CSMD1: variants seen among roughly 807,000 people sequenced by gnomAD.
CSMD1 encodes the protein CUB and sushi domain-containing protein 1.
CSMD1 carries 213 observed loss-of-function variants against 417.5 expected under a neutral mutation model. The observed-to-expected ratio is 0.51, with a 90% CI of 0.46 to 0.57. CSMD1 has a LOEUF of 0.57. Ranked by LOEUF, CSMD1 falls within the 20% of genes least tolerant of loss-of-function variation. CSMD1 has a pLI of 0.00. For synonymous variants in CSMD1, 2,862 were observed against 1,736.8 expected, an observed-to-expected ratio of 1.65 and a Z score of -16.11; for missense variants, 6,923 against 4,529.7, an observed-to-expected ratio of 1.53 and a Z score of -15.17.
At chr8:4,274,207 T>G (rs912878327) in intron 3 of CSMD1, among the ~76,000 whole-genome samples, 1 of 152,104 alleles carries the variant, frequency 6.6e-6, no homozygotes, top group East Asian at 1.9e-4. Context: ...GAGAAGAAAA[T>G]AGTTTATAAA....
At chr8:2,973,051 G>T in intron 57 of CSMD1, 66 bp downstream of exon 57, 1 of 1,485,342 alleles carries the variant, frequency 6.7e-7, no homozygotes, top group East Asian at 2.3e-5. Context: ...AATTTTGCCA[G>T]GCATTTTAGA....
In CSMD1 at chr8:3,997,986, G is replaced by A. The variant is rs71521901; in HGVS notation, c.735C>T (p.Thr245=). The change falls in exon 5 of 70, where the codon ACC becomes ACT. Residue 245 remains threonine (T), a synonymous_variant. Transcript: ENST00000635120. The stretch of plus-strand genomic sequence containing the variant: ...GAAAGTCAGTGAAGACCAGCGCAAT[G>A]GTGTCCCCGGGCTCAGCCAGAATGG... ...TWTILAEPGD[T]IALVFTDFQL... 1.2e-6 allele frequency: 2 copies of A among 1,610,522 alleles called. No individual in the cohort carries two copies. The highest frequency in any genetic ancestry group is 1.7e-6 in the Non-Finnish European group (2 of 1,178,264).
chr8:4,259,122 T>G (rs1437702291), intron 3 of CSMD1, among the ~76,000 whole-genome samples: 1 of 152,172 alleles, frequency 6.6e-6, no homozygotes, highest in Admixed American at 6.5e-5. Flanking sequence ...ACTTTAAATA[T>G]CAGAGCTAAT....
At chr8:3,202,428 G>C (rs1485248863) in intron 31 of CSMD1, among the ~76,000 whole-genome samples, 1 of 152,146 alleles carries the variant, frequency 6.6e-6, no homozygotes, top group Non-Finnish European at 1.5e-5. Context: ...GTATCCTACA[G>C]GTTATGAAAG....
chr8:4,241,523 G>C (rs1487028726), intron 3 of CSMD1, among the ~76,000 whole-genome samples: 1 of 152,040 alleles, frequency 6.6e-6, no homozygotes, highest in African/African-American at 2.4e-5. Flanking sequence ...AGGAGGGCAG[G>C]GTCTCTAGTG....
intron 5 of CSMD1, among the ~76,000 whole-genome samples, chr8:3,818,545 C>T (rs1357023738): frequency 2.0e-5 from 3 of 152,074 alleles, no homozygotes. Context: ...CCCAAGAAGA[C>T]AGGAGACTAG....
chr8:3,428,514 A>G (rs1405678588), intron 12 of CSMD1, among the ~76,000 whole-genome samples: 7 of 152,226 alleles, frequency 4.6e-5, no homozygotes, highest in Non-Finnish European at 8.8e-5. Context: ...GATGGGGAAA[A>G]AAAAGACTTT....
Position 2,997,751 on chromosome 8 carries a change from TA to T in CSMD1, c.8377+259del, listed in dbSNP as rs1304077656. On this transcript the variant is annotated intron_variant, in intron 54 of 69. Coordinates refer to ENST00000635120, the MANE Select transcript of CSMD1 (RefSeq NM_033225.6). ...AGAAATAAATGTGTAAATACATGAA[TA>T]AAAAGAGAAATAGAAGATGAGTTAT... 6.6e-5 allele frequency among the ~76,000 whole-genome samples: 10 copies of T among 152,206 alleles called. No individual in the cohort carries two copies. In the East Asian group the frequency reaches 1.9e-3, roughly 29 times the overall value.
At position 3,307,760 on chromosome 8, in the gene CSMD1, T is replaced by C; in HGVS notation, c.3885A>G (p.Pro1295=). 6.2e-7 allele frequency: 1 copy of C among 1,613,786 alleles called. No homozygotes were observed. The highest frequency in any genetic ancestry group is 1.3e-5 in the African/African-American group (1 of 75,038). The change falls in exon 25 of 70, where the codon CCA becomes CCG. Residue 1295 remains proline, a synonymous_variant. Transcript: ENST00000635120. ...AGTGGAGGTTGTTGTCATACGGAGC[T>C]GGATAGCCAGGGGACAATATTCGTC... ...TSGRILSPGY[P]APYDNNLHCT...
chr8:4,040,294 G>C (rs1455072885), intron 3 of CSMD1, among the ~76,000 whole-genome samples: 4 of 152,176 alleles, frequency 2.6e-5, no homozygotes, highest in Non-Finnish European at 4.4e-5. Flanking sequence ...CTATGTGCTA[G>C]ACACTGTTCC....
chr8:4,353,484 A>G (rs977517481), intron 3 of CSMD1, among the ~76,000 whole-genome samples: 7 of 152,092 alleles, frequency 4.6e-5, no homozygotes, highest in Admixed American at 2.0e-4. Flanking sequence ...ACATTCTTTA[A>G]TTAAAATTGG....
chr8:3,936,448 T>G (rs562881126), intron 5 of CSMD1, among the ~76,000 whole-genome samples: 1 of 152,302 alleles, frequency 6.6e-6, no homozygotes, highest in South Asian at 2.1e-4. Flanking sequence ...TAGGGGCTAA[T>G]GCAACTCAGG....
At chr8:3,238,984 C>A (rs1489244389) in intron 26 of CSMD1, among the ~76,000 whole-genome samples, 1 of 152,096 alleles carries the variant, frequency 6.6e-6, no homozygotes, top group Non-Finnish European at 1.5e-5. Flanking sequence ...TTTTTTGGGG[C>A]ACAGTCAAAG....
chr8:4,355,987 T>C (rs1399125676), intron 3 of CSMD1, among the ~76,000 whole-genome samples: 2 of 152,170 alleles, frequency 1.3e-5, no homozygotes, highest in Non-Finnish European at 1.5e-5. Context: ...TTTTTCATGA[T>C]ATTGGGGTAC....
chr8:3,081,210 C>T (rs965785068), intron 49 of CSMD1, among the ~76,000 whole-genome samples: 1 of 152,070 alleles, frequency 6.6e-6, no homozygotes, highest in Non-Finnish European at 1.5e-5. Flanking sequence ...CTAAAAGGTA[C>T]CTGTTGCATT....
At chr8:4,451,649 A>G (rs570368133) in intron 2 of CSMD1, among the ~76,000 whole-genome samples, 1 of 152,320 alleles carries the variant, frequency 6.6e-6, no homozygotes, top group South Asian at 2.1e-4. Flanking sequence ...ATGTTAGGAT[A>G]CATTCCTTAG....
chr8:3,494,861 A>C (rs1796302123), intron 10 of CSMD1, among the ~76,000 whole-genome samples: 1 of 152,174 alleles, frequency 6.6e-6, no homozygotes, highest in African/African-American at 2.4e-5. Flanking sequence ...AAAGTATCAA[A>C]TGCCTGTTTG....
chr8:3,894,008 T>G (rs1337300993), intron 5 of CSMD1, among the ~76,000 whole-genome samples: 1 of 152,028 alleles, frequency 6.6e-6, no homozygotes, highest in African/African-American at 2.4e-5. Context: ...TGAATAATAA[T>G]GTAAAACTCC....
intron 1 of CSMD1, among the ~76,000 whole-genome samples, chr8:4,726,145 T>G (rs1366530541): frequency 6.6e-6 from 1 of 152,108 alleles, no homozygotes; most frequent in Non-Finnish European, 1.5e-5. Flanking sequence ...GCGAGCCATT[T>G]GCATCCAGAT....
Sources: gnomAD v4.1 joint callset for allele counts (sites outside exome capture counted in the v4.1 genomes callset) on GRCh38, gnomAD v4.1.1 for gene constraint, MANE v1.5 for transcripts, NCBI Gene and HGNC (gene_info 2026-07-23, HGNC 2026-07-21) for gene names.